TENM3: variants seen among roughly 807,000 people sequenced by gnomAD.
The protein encoded by TENM3 is teneurin-3.
In TENM3, 63 loss-of-function variants were observed where a neutral mutation model predicts 255.1. The observed-to-expected ratio is 0.25, with a 90% CI of 0.20 to 0.30. TENM3 has a LOEUF of 0.30. TENM3 is among the 10% of genes least tolerant of loss of function. TENM3 has a pLI of 1.00. For synonymous variants in TENM3, 1,306 were observed against 1,322.3 expected, an observed-to-expected ratio of 0.99 and a Z score of 0.27; for missense variants, 2,929 against 3,461.1, an observed-to-expected ratio of 0.85 and a Z score of 3.86.
chr4:182,171,742 CAAAAGTTTAAT>C (rs1190951053), intron 1 of TENM3, among the ~76,000 whole-genome samples: 1 of 152,076 alleles, frequency 6.6e-6, no homozygotes, highest in Non-Finnish European at 1.5e-5. Flanking sequence ...AGATAAAAAA[CAAAAGTTTAAT>C]AAATAGTGTG....
In TENM3 at chr4:182,768,403, C is replaced by G. The variant is rs28678911; in HGVS notation, c.4893-5069C>G. On this transcript the variant is annotated intron_variant, in intron 22 of 27. Transcript: ENST00000511685. ...ATTGGGTTGGTAACAGTCTAAATCA[C>G]TTGATTTTACTCTCAGATGAGCATC... Among the ~76,000 whole-genome samples the G allele has an allele frequency of 7.3e-3, 1,117 of 152,218 alleles. 9 individuals carry two copies. Among genetic ancestry groups the G allele is most frequent in the South Asian group, 0.021 (102 of 4,814 alleles).
chr4:181,955,847 G>A, the TENM3 span, among the ~76,000 whole-genome samples: 1 of 152,078 alleles, frequency 6.6e-6, no homozygotes, highest in East Asian at 1.9e-4. Flanking sequence ...AGGGTTAGGT[G>A]GTACCAGATC....
chr4:182,623,943 C>T (rs527316074), intron 4 of TENM3, among the ~76,000 whole-genome samples: 13 of 152,266 alleles, frequency 8.5e-5, no homozygotes, highest in South Asian at 8.3e-4. Context: ...GGAATCTCTG[C>T]GAGGCTCCCT....
At chr4:182,225,241 G>T (rs1009940572) in intron 1 of TENM3, among the ~76,000 whole-genome samples, 1 of 152,050 alleles carries the variant, frequency 6.6e-6, no homozygotes, top group Non-Finnish European at 1.5e-5. Context: ...TTGTTGTTTT[G>T]GGTCTCAGGA....
chr4:182,060,100 G>A, the TENM3 span, among the ~76,000 whole-genome samples: 2 of 152,094 alleles, frequency 1.3e-5, no homozygotes, highest in African/African-American at 4.8e-5. Context: ...TCAGCAGGGT[G>A]GTGGTACACA....
intron 1 of TENM3, among the ~76,000 whole-genome samples, chr4:182,311,941 C>A (rs1414694534): frequency 6.6e-6 from 1 of 152,098 alleles, no homozygotes; most frequent in African/African-American, 2.4e-5. Flanking sequence ...TCTCTCATTA[C>A]GACTAAAGGT....
In TENM3 at chr4:182,738,569, G is replaced by C. The variant is rs2309769; in HGVS notation, c.3379+25G>C. On this transcript the variant is annotated intron_variant, in intron 18 of 27. Coordinates refer to ENST00000511685, the MANE Select transcript of TENM3 (RefSeq NM_001080477.4). The stretch of plus-strand genomic sequence containing the variant: ...GGTAAGCTCTTGTTCATAGATAACT[G>C]ATGTTGTAATGTATTGTTCAGAGAT... 639,170 of 1,579,218 alleles carry C rather than the reference G, an allele frequency of 0.4. 134,429 individuals are homozygous for C. The highest frequency in any genetic ancestry group is 0.69 in the East Asian group (29,989 of 43,266).
Position 182,729,002 on chromosome 4 carries a change from A to T in TENM3, c.2406A>T (p.Leu802=). Residue 802 remains leucine (L), a synonymous_variant, in exon 14 of 28, where the codon CTA becomes CTT. Transcript: ENST00000511685. ...ACTGCATGGATCCCGATTGCTGCCTACAGAGTTCCTGCCAGAATCAGCCCT... is the reference window on the plus strand; with the variant it reads ...ACTGCATGGATCCCGATTGCTGCCTTCAGAGTTCCTGCCAGAATCAGCCCT... The part of the protein sequence containing the change: ...LIDCMDPDCC[L]QSSCQNQPYC... 1 of 1,613,946 alleles carries T rather than the reference A, an allele frequency of 6.2e-7. No individual in the cohort carries two copies. Among genetic ancestry groups the T allele is most frequent in the Non-Finnish European group, 8.5e-7 (1 of 1,179,878 alleles).
intron 5 of TENM3, among the ~76,000 whole-genome samples, chr4:182,650,958 A>C (rs1404013108): frequency 6.7e-6 from 1 of 149,084 alleles, no homozygotes; most frequent in Non-Finnish European, 1.5e-5. Flanking sequence ...CAAAAAATAA[A>C]ATAGCTCTCC....
chr4:182,630,257 T>C (rs2137953), intron 5 of TENM3, among the ~76,000 whole-genome samples: 65,127 of 152,010 alleles, frequency 0.43, 14,837 homozygotes, highest in Non-Finnish European at 0.52. Context: ...ACAATACTGC[T>C]GTTGTTTCAT....
At chr4:182,593,046 TG>T (rs1746830496) in intron 3 of TENM3, among the ~76,000 whole-genome samples, 1 of 152,234 alleles carries the variant, frequency 6.6e-6, no homozygotes, top group Non-Finnish European at 1.5e-5. Flanking sequence ...AATCAAAGAC[TG>T]AATCTAAATC....
At chr4:181,814,397 C>T in the TENM3 span, among the ~76,000 whole-genome samples, 1 of 152,052 alleles carries the variant, frequency 6.6e-6, no homozygotes, top group African/African-American at 2.4e-5. Context: ...GCAAGGAGAA[C>T]TTAACAAAAA....
the TENM3 span, among the ~76,000 whole-genome samples, chr4:181,624,373 C>T: frequency 6.6e-6 from 1 of 152,216 alleles, no homozygotes; most frequent in Non-Finnish European, 1.5e-5. Flanking sequence ...AAGTAAATCC[C>T]ATGGCCACAT....
intron 3 of TENM3, among the ~76,000 whole-genome samples, chr4:182,524,398 G>A (rs1025782771): frequency 1.7e-4 from 19 of 110,510 alleles, no homozygotes; most frequent in South Asian, 3.1e-4. Context: ...GTCTCTCTCT[G>A]TCACCCAGGC....
intron 3 of TENM3, among the ~76,000 whole-genome samples, chr4:182,413,309 A>G (rs1770139139): frequency 6.6e-6 from 1 of 152,146 alleles, no homozygotes; most frequent in Admixed American, 6.5e-5. Context: ...GTAACCTGAG[A>G]GAAAAGACAT....
At chr4:182,692,505 A>G (rs75735172) in intron 12 of TENM3, among the ~76,000 whole-genome samples, 2,709 of 152,316 alleles carry the variant, frequency 0.018, 87 homozygotes, top group African/African-American at 0.063. Context: ...ATTGAATAAC[A>G]TATTTGATTG....
intron 3 of TENM3, among the ~76,000 whole-genome samples, chr4:182,492,822 A>T (rs1206212672): frequency 6.6e-6 from 1 of 152,182 alleles, no homozygotes; most frequent in East Asian, 1.9e-4. Flanking sequence ...TACTGGTTTC[A>T]TCACTTGATA....
chr4:182,497,847 C>CATATATATATAT lies in TENM3; in HGVS notation c.512-103052_512-103041dup, dbSNP rs56170155. 3.9e-3 allele frequency among the ~76,000 whole-genome samples: 522 copies of CATATATATATAT among 135,334 alleles called. 8 individuals carry two copies. Among genetic ancestry groups the CATATATATATAT allele is most frequent in the African/African-American group, 0.011 (347 of 30,504 alleles). The allele number at this position is 135,334 out of a possible 152,430, so 88.8% of individuals were successfully genotyped here. On this transcript the variant is annotated intron_variant, in intron 3 of 27. Coordinates refer to ENST00000511685, the MANE Select transcript of TENM3 (RefSeq NM_001080477.4). ...ATATACCCCATCTCTACTAAAAATA[C>CATATATATATAT]ATATATATATATATATATATATATA...
At chr4:182,371,131 C>T (rs901400520) in intron 3 of TENM3, among the ~76,000 whole-genome samples, 1 of 151,978 alleles carries the variant, frequency 6.6e-6, no homozygotes, top group African/African-American at 2.4e-5. Flanking sequence ...GAAATTGTTC[C>T]TACCTTTTAG....
Sources: allele counts gnomAD v4.1 joint callset (sites outside exome capture counted in the v4.1 genomes callset), GRCh38; gene constraint gnomAD v4.1.1; transcripts MANE v1.5; gene names NCBI Gene and HGNC (gene_info 2026-07-23, HGNC 2026-07-21).